ZNF469: variants seen among roughly 807,000 people sequenced by gnomAD.
ZNF469 encodes the protein zinc finger protein 469.
ZNF469 carries 1 observed loss-of-function variant against 1.0 expected under a neutral mutation model. That is an observed-to-expected ratio of 1.00 (90% CI 0.35 to 4.73). The LOEUF (loss-of-function observed/expected upper bound fraction) is 4.73. Ranked by LOEUF, ZNF469 falls within the 30% of genes most tolerant of loss-of-function variation. The probability of loss-of-function intolerance (pLI) is 0.16; values close to 1 mark genes in which losing one functional copy is unlikely to be tolerated. For missense variants in ZNF469, 6,100 were observed against 5,356.3 expected (o/e 1.14, Z -4.33); for synonymous variants, 2,703 against 2,363.4 (o/e 1.14, Z -4.17).
At chr16:88,216,471 G>A in the ZNF469 span, among the ~76,000 whole-genome samples, 1 of 147,468 alleles carries the variant, frequency 6.8e-6, no homozygotes, top group African/African-American at 2.5e-5. Flanking sequence ...TCCAGTCTGG[G>A]CAACAGAGTG....
At chr16:88,214,514 T>G in the ZNF469 span, among the ~76,000 whole-genome samples, 1 of 152,168 alleles carries the variant, frequency 6.6e-6, no homozygotes, top group Non-Finnish European at 1.5e-5. Context: ...GTTCTTTATT[T>G]TATTATTATA....
At chr16:88,231,417 A>G in the ZNF469 span, among the ~76,000 whole-genome samples, 27 of 152,354 alleles carry the variant, frequency 1.8e-4, no homozygotes, top group East Asian at 5.0e-3. This position sits in a 1 kb window ranked among gnomAD's most constrained non-coding sequence, Gnocchi z 4.5. Flanking sequence ...TCCACAGAGG[A>G]CAGGTGTGTC....
the ZNF469 span, among the ~76,000 whole-genome samples, chr16:88,318,533 C>T: frequency 4.6e-5 from 7 of 151,870 alleles, no homozygotes; most frequent in South Asian, 4.2e-4. Context: ...CAGGGAGACG[C>T]GGTGGCCCCT....
chr16:88,139,353 A>G, the ZNF469 span, among the ~76,000 whole-genome samples: 1 of 151,898 alleles, frequency 6.6e-6, no homozygotes, highest in East Asian at 1.9e-4. Context: ...GGATGTGACG[A>G]GGAAAATTGC....
rs1183546341 is a variant in ZNF469, at chr16:88,433,223, G to A, written c.5753G>A (p.Gly1918Asp). The A allele has an allele frequency of 1.3e-6, 2 of 1,550,204 alleles. No homozygotes were observed. Among genetic ancestry groups the A allele is most frequent in the African/African-American group, 1.4e-5 (1 of 73,026 alleles). ...CCTGGAGTGGCTAAGAGTAAAGATG[G>A]CATCCTGGGCTTGCAGGAGCTGACA... The part of the protein sequence containing the change: ...PGPGVAKSKD[G>D]ILGLQELTPA... Residue 1918 changes from glycine (G) to aspartate (D), a missense_variant, in exon 3 of 3, where the codon GGC becomes GAC. Coordinates refer to ENST00000565624, the MANE Select transcript of ZNF469 (RefSeq NM_001367624.2).
chr16:88,368,767 G>A, the ZNF469 span, among the ~76,000 whole-genome samples: 4 of 152,054 alleles, frequency 2.6e-5, no homozygotes, highest in African/African-American at 9.7e-5. Flanking sequence ...CCTCAGCAGT[G>A]CCACCAGCTC....
At chr16:88,213,292 A>C in the ZNF469 span, among the ~76,000 whole-genome samples, 1 of 151,796 alleles carries the variant, frequency 6.6e-6, no homozygotes, top group African/African-American at 2.4e-5. Context: ...GTAGAGACAG[A>C]GTTTCACTGT....
the ZNF469 span, among the ~76,000 whole-genome samples, chr16:88,334,703 T>C: frequency 6.6e-6 from 1 of 152,222 alleles, no homozygotes; most frequent in Admixed American, 6.5e-5. Context: ...GATGAGGTTG[T>C]CCTGGACCAG....
chr16:88,373,769 G>A, the ZNF469 span, among the ~76,000 whole-genome samples: 2 of 152,198 alleles, frequency 1.3e-5, no homozygotes, highest in Admixed American at 1.3e-4. Flanking sequence ...GGCTGAGGTG[G>A]ACAGATCACT....
At chr16:88,381,375 CAG>C (rs1245533496), upstream of ZNF469, among the ~76,000 whole-genome samples, 8 of 146,086 alleles carry the variant, frequency 5.5e-5, no homozygotes, top group Non-Finnish European at 8.9e-5. Flanking sequence ...CACTCACACA[CAG>C]AGACATGCAT....
chr16:88,101,168 G>A, the ZNF469 span, among the ~76,000 whole-genome samples: 1 of 152,240 alleles, frequency 6.6e-6, no homozygotes, highest in Non-Finnish European at 1.5e-5. Flanking sequence ...TGGGCCATCC[G>A]GATTGACGAT....
the ZNF469 span, among the ~76,000 whole-genome samples, chr16:88,293,319 T>TGGATGGAC: frequency 7.0e-6 from 1 of 143,738 alleles, no homozygotes; most frequent in African/African-American, 2.8e-5. Flanking sequence ...GGTAATTGGA[T>TGGATGGAC]GGATGGATGG....
the ZNF469 span, among the ~76,000 whole-genome samples, chr16:88,158,467 G>A: frequency 1.3e-5 from 2 of 152,148 alleles, no homozygotes; most frequent in African/African-American, 4.8e-5. Context: ...CAGGCTGGGG[G>A]CCTCGGACTC....
the ZNF469 span, among the ~76,000 whole-genome samples, chr16:88,356,344 C>A: frequency 6.6e-6 from 1 of 152,158 alleles, no homozygotes; most frequent in South Asian, 2.1e-4. Flanking sequence ...GAAGCCCTAG[C>A]GGGCTTCTTG....
chr16:88,302,634 A>T, the ZNF469 span: 1 of 152,258 alleles, frequency 6.6e-6, no homozygotes, highest in South Asian at 2.1e-4. Flanking sequence ...CGCTCCACAG[A>T]TGCTTGCTGG....
In ZNF469 at chr16:88,434,297, C is replaced by T. The variant is rs749410217; in HGVS notation, c.6827C>T (p.Ala2276Val). 1.0e-5 allele frequency: 16 copies of T among 1,550,388 alleles called. 1 individual carries two copies. The South Asian group carries it at 1.8e-4, about 17-fold the overall frequency. ...GRATSPPLAG[A>V]VSPSVAVRAT... ...GCCACCTCTCCTCCTCTGGCAGGGG[C>T]CGTCTCCCCCAGCGTGGCCGTCAGG... Residue 2276 changes from alanine (A) to valine (V), a missense_variant, in exon 3 of 3, where the codon GCC becomes GTC. Physicochemically the swap from Ala to Val is moderately conservative, Grantham distance 64. Transcript: ENST00000565624.
the ZNF469 span, among the ~76,000 whole-genome samples, chr16:88,366,441 C>T: frequency 1.3e-5 from 2 of 151,626 alleles, no homozygotes; most frequent in Non-Finnish European, 2.9e-5. Flanking sequence ...TCACCACAAC[C>T]ACCATCATCA....
chr16:88,153,583 A>G, the ZNF469 span, among the ~76,000 whole-genome samples: 1 of 152,252 alleles, frequency 6.6e-6, no homozygotes, highest in African/African-American at 2.4e-5. Context: ...CGAGAAGGTC[A>G]TAGCAGCCCT....
At chr16:88,405,870 G>A (rs1386931326) in intron 1 of ZNF469, among the ~76,000 whole-genome samples, 1 of 152,234 alleles carries the variant, frequency 6.6e-6, no homozygotes, top group Non-Finnish European at 1.5e-5. Flanking sequence ...AAAAGCCTCT[G>A]CAGTTAGCAA....
Sources: allele counts gnomAD v4.1 joint callset (sites outside exome capture counted in the v4.1 genomes callset), GRCh38; gene constraint gnomAD v4.1.1; non-coding constraint Gnocchi (gnomAD v3.1); transcripts MANE v1.5; gene names NCBI Gene and HGNC (gene_info 2026-07-23, HGNC 2026-07-21).